The following APP variants were observed in gnomAD, a reference collection of about 807,000 sequenced individuals.
The protein encoded by APP is amyloid-beta precursor protein.
APP carries 31 observed loss-of-function variants against 101.4 expected under a neutral mutation model. The ratio of observed to expected loss-of-function variants is 0.31; its 90% CI spans 0.23 to 0.41. The LOEUF is 0.41. Ranked by LOEUF, APP falls within the 10% of genes least tolerant of loss-of-function variation. The pLI, the probability that APP is intolerant of heterozygous loss-of-function variation, is 1.00. For missense variants in APP, 839 were observed against 1,003.7 expected (o/e 0.84, Z 2.22); for synonymous variants, 366 against 364.4 (o/e 1.00, Z -0.05).
chr21:26,014,663 C>A (rs1044242154), intron 6 of APP, among the ~76,000 whole-genome samples: 1 of 152,142 alleles, frequency 6.6e-6, no homozygotes, highest in Admixed American at 6.5e-5. Context: ...TATCTCTGTG[C>A]CCCCAGCAAC....
intron 1 of APP, among the ~76,000 whole-genome samples, chr21:26,163,985 G>A (rs1273474984): frequency 1.3e-5 from 2 of 152,200 alleles, no homozygotes; most frequent in Non-Finnish European, 2.9e-5. Flanking sequence ...GGTGGCTCAC[G>A]CCTGTAATCG....
chr21:26,152,290 A>AAAAAAAAAAAAAAAAAAAC (rs2063293024), intron 1 of APP, among the ~76,000 whole-genome samples: 1 of 144,972 alleles, frequency 6.9e-6, no homozygotes, highest in African/African-American at 2.7e-5. Flanking sequence ...ATCTCAAAAA[A>AAAAAAAAAAAAAAAAAAAC]AAAAAAAAAA....
Position 25,982,331 on chromosome 21 carries a change from G to A in APP, c.1224+13C>T. 3 of 1,613,614 alleles carry A rather than the reference G, an allele frequency of 1.9e-6. No individual in the cohort carries two copies. Among genetic ancestry groups the A allele is most frequent in the Non-Finnish European group, 2.5e-6 (3 of 1,179,682 alleles). ...AATATCGTAGGGCTGAATGATGGAAGAGCCAGACTTACCTGGGACATTCTC... is the reference window on the plus strand; with the variant it reads ...AATATCGTAGGGCTGAATGATGGAAAAGCCAGACTTACCTGGGACATTCTC... On this transcript the variant is annotated intron_variant, in intron 9 of 17. Transcript: ENST00000346798.
intron 6 of APP, among the ~76,000 whole-genome samples, chr21:26,007,260 C>T (rs966049079): frequency 1.3e-5 from 2 of 150,708 alleles, no homozygotes; most frequent in Admixed American, 6.6e-5. Context: ...TAAGTTACTT[C>T]CTTAATGTAA....
intron 2 of APP, among the ~76,000 whole-genome samples, chr21:26,102,052 CA>C (rs2062068998): frequency 6.7e-6 from 1 of 149,720 alleles, no homozygotes; most frequent in African/African-American, 2.5e-5. Context: ...TCTGGAATCC[CA>C]AAGCCTTTGG....
intron 9 of APP, among the ~76,000 whole-genome samples, chr21:25,977,021 G>A (rs2042249445): frequency 1.3e-5 from 2 of 152,146 alleles, no homozygotes; most frequent in South Asian, 2.1e-4. Flanking sequence ...ACTGAGAGCC[G>A]AATTTTAAAC....
At chr21:26,079,977 T>A (rs1444715662) in intron 3 of APP, among the ~76,000 whole-genome samples, 1 of 151,902 alleles carries the variant, frequency 6.6e-6, no homozygotes, top group African/African-American at 2.4e-5. Flanking sequence ...TACAAAAATC[T>A]GCTAGGTGTG....
At chr21:26,115,332 G>T (rs1365282442) in intron 1 of APP, among the ~76,000 whole-genome samples, 2 of 150,158 alleles carry the variant, frequency 1.3e-5, no homozygotes, top group Non-Finnish European at 3.0e-5. Flanking sequence ...TTTTCCCCCC[G>T]AACCAACACC....
intron 6 of APP, among the ~76,000 whole-genome samples, chr21:26,000,931 C>T (rs1490708384): frequency 6.6e-6 from 1 of 151,266 alleles, no homozygotes; most frequent in Non-Finnish European, 1.5e-5. Context: ...ATTAATTCTG[C>T]TATTTAATTG....
chr21:25,990,606 T>C (rs181951336), intron 8 of APP, among the ~76,000 whole-genome samples: 26 of 152,318 alleles, frequency 1.7e-4, no homozygotes, highest in Non-Finnish European at 2.9e-5. Flanking sequence ...TCTTCAATAT[T>C]GTCCAGTTTC....
intron 1 of APP, among the ~76,000 whole-genome samples, chr21:26,146,197 G>A (rs930665260): frequency 3.9e-5 from 6 of 152,298 alleles, no homozygotes; most frequent in South Asian, 4.1e-4. Context: ...TGAGCCAGGC[G>A]TGGTGGCTCA....
chr21:26,077,617 T>C (rs2061521967), intron 3 of APP, among the ~76,000 whole-genome samples: 1 of 152,112 alleles, frequency 6.6e-6, no homozygotes, highest in South Asian at 2.1e-4. Flanking sequence ...AATGCATCAA[T>C]GCCATTTTTT....
chr21:26,112,203 G>GAGGAAGAAC (rs2062343252), intron 1 of APP, 57 bp from the exon 2 acceptor site: 1 of 1,566,440 alleles, frequency 6.4e-7, no homozygotes, highest in African/African-American at 1.4e-5. Context: ...CAGAGGCTTG[G>GAGGAAGAAC]AGGAAGAACA....
At position 25,945,420 on chromosome 21, in the gene APP, G is replaced by T. The variant is rs1042968931; in HGVS notation, c.1687+9170C>A. The T allele has an allele frequency of 1.9e-4, 22 of 116,554 alleles. 1 individual carries two copies. The highest frequency in any genetic ancestry group is 6.9e-4 in the African/African-American group (22 of 31,842). The allele number at this position is 116,554 out of a possible 1,614,324, so 7.2% of individuals were successfully genotyped here. A position where few individuals can be genotyped will look rare whatever the true frequency, so the allele number is the denominator to read the frequency against. Reference sequence around the variant, plus strand: ...TTTTTTTTGCAGAAATGGTAGTGGGGGCAGGGGGTGAGGAAGATCTTAAAA... The same window carrying T: ...TTTTTTTTGCAGAAATGGTAGTGGGTGCAGGGGGTGAGGAAGATCTTAAAA... On this transcript the variant is annotated intron_variant, in intron 13 of 17. Coordinates refer to ENST00000346798, the MANE Select transcript of APP (RefSeq NM_000484.4).
At chr21:26,131,972 T>C (rs755748119) in intron 1 of APP, among the ~76,000 whole-genome samples, 12 of 152,038 alleles carry the variant, frequency 7.9e-5, no homozygotes, top group Non-Finnish European at 1.8e-4. Context: ...CTTACCATAT[T>C]AAACAACTAA....
At chr21:25,902,973 A>G (rs963532035) in intron 15 of APP, among the ~76,000 whole-genome samples, 12 of 152,204 alleles carry the variant, frequency 7.9e-5, no homozygotes, top group African/African-American at 2.9e-4. Context: ...CCAGTGTAAT[A>G]CCATTAACTA....
At chr21:26,064,730 A>G (rs910436831) in intron 3 of APP, among the ~76,000 whole-genome samples, 32 of 152,136 alleles carry the variant, frequency 2.1e-4, no homozygotes, top group African/African-American at 7.0e-4. Context: ...AAGGGTCTCA[A>G]TCCCCGGCGA....
chr21:26,157,655 T>G (rs561082105), intron 1 of APP, among the ~76,000 whole-genome samples: 1 of 152,328 alleles, frequency 6.6e-6, no homozygotes, highest in East Asian at 1.9e-4. Context: ...ATACTTTCTG[T>G]GACGTATCTT....
At chr21:25,989,832 C>T (rs1049827187) in intron 8 of APP, among the ~76,000 whole-genome samples, 1 of 151,758 alleles carries the variant, frequency 6.6e-6, no homozygotes, top group Admixed American at 6.6e-5. Context: ...GAAATATAAA[C>T]TTGTTAGCGT....
Sources: gnomAD v4.1 joint callset for allele counts (sites outside exome capture counted in the v4.1 genomes callset) on GRCh38, gnomAD v4.1.1 for gene constraint, MANE v1.5 for transcripts, NCBI Gene and HGNC (gene_info 2026-07-23, HGNC 2026-07-21) for gene names.